Variants in PITPNM3 observed in about 807,000 individuals in gnomAD.
PITPNM3 encodes the protein PITPNM family member 3.
Under a neutral mutation model 102.0 loss-of-function variants are expected in PITPNM3, and 26 were observed. That is an observed-to-expected ratio of 0.25 (90% CI 0.19 to 0.35). PITPNM3 has a LOEUF of 0.35. PITPNM3 is among the 10% of genes least tolerant of loss of function. PITPNM3 has a pLI of 1.00. For missense variants in PITPNM3, 1,083 were observed against 1,346.1 expected (o/e 0.80, Z 3.06); for synonymous variants, 578 against 558.6 (o/e 1.03, Z -0.49).
At chr17:6,522,331 C>T (rs959390482) in intron 3 of PITPNM3, among the ~76,000 whole-genome samples, 1 of 151,228 alleles carries the variant, frequency 6.6e-6, no homozygotes, top group Non-Finnish European at 1.5e-5. Context: ...AATTAACACC[C>T]TTGAGAACTG....
intron 9 of PITPNM3, among the ~76,000 whole-genome samples, chr17:6,476,314 AAAGG>A (rs1347906595): frequency 3.9e-5 from 6 of 152,312 alleles, no homozygotes; most frequent in African/African-American, 1.2e-4. Flanking sequence ...GAGGAAGGAG[AAAGG>A]AAGGAAGAAG....
At chr17:6,543,440 G>A (rs1213450080) in intron 1 of PITPNM3, among the ~76,000 whole-genome samples, 1 of 152,126 alleles carries the variant, frequency 6.6e-6, no homozygotes, top group Non-Finnish European at 1.5e-5. Flanking sequence ...CCAGCCCCAG[G>A]GGCAGAGTCC....
rs1555549910 is a variant in PITPNM3, at chr17:6,451,882, C to CCG, written c.*3455_*3456insCG. On this transcript the variant is annotated 3_prime_UTR_variant, in exon 20 of 20. Coordinates refer to ENST00000262483, the MANE Select transcript of PITPNM3 (RefSeq NM_031220.4). ...GGCACTTGGCACCCAAACCCCCCCC[C>CCG]CCCGCCCGCCGATGGGATTCGGTGG... 3.5e-5 allele frequency: 1 copy of CCG among 28,314 alleles called. No individual in the cohort carries two copies. The highest frequency in any genetic ancestry group is 1.5e-4 in the African/African-American group (1 of 6,696). The allele number at this position is 28,314 out of a possible 1,614,324, so 1.8% of individuals were successfully genotyped here. A position where few individuals can be genotyped will look rare whatever the true frequency, so the allele number is the denominator to read the frequency against.
intron 6 of PITPNM3, among the ~76,000 whole-genome samples, chr17:6,482,028 C>CTG (rs1905750602): frequency 8.4e-5 from 8 of 95,768 alleles, no homozygotes; most frequent in Admixed American, 2.1e-4. Context: ...CTCTCTCTCT[C>CTG]TCTCTCTGTC....
intron 18 of PITPNM3, among the ~76,000 whole-genome samples, chr17:6,460,238 C>T (rs565399157): frequency 1.3e-5 from 2 of 152,344 alleles, no homozygotes; most frequent in South Asian, 2.1e-4. Context: ...CTCCTGCCTC[C>T]GTGCCTTTGC....
At chr17:6,531,754 C>T (rs1909159324) in intron 2 of PITPNM3, among the ~76,000 whole-genome samples, 1 of 152,210 alleles carries the variant, frequency 6.6e-6, no homozygotes, top group Non-Finnish European at 1.5e-5. Flanking sequence ...ACCCACAGCA[C>T]TGAGCCAGTG....
chr17:6,544,654 T>TCTCTCTCTCTCTCTCTCACA (rs376230474), intron 1 of PITPNM3, among the ~76,000 whole-genome samples: 11 of 130,268 alleles, frequency 8.4e-5, no homozygotes, highest in African/African-American at 3.4e-4. Context: ...TCTCTCTCTC[T>TCTCTCTCTCTCTCTCTCACA]CACACACACA....
chr17:6,483,102 A>G (rs1215879544), intron 6 of PITPNM3, among the ~76,000 whole-genome samples: 1 of 151,748 alleles, frequency 6.6e-6, no homozygotes, highest in Non-Finnish European at 1.5e-5. Context: ...CCGCCACCTC[A>G]CCTGGCTAAT....
At chr17:6,542,577 A>C (rs1297396128) in intron 1 of PITPNM3, among the ~76,000 whole-genome samples, 1 of 152,246 alleles carries the variant, frequency 6.6e-6, no homozygotes, top group Non-Finnish European at 1.5e-5. Context: ...TAGGACCTGA[A>C]GCAAGTTAAC....
At chr17:6,466,453 G>A (rs1904774240) in intron 14 of PITPNM3, among the ~76,000 whole-genome samples, 1 of 152,200 alleles carries the variant, frequency 6.6e-6, no homozygotes, top group South Asian at 2.1e-4. Flanking sequence ...CACTGTCAGG[G>A]GAGAGGGAGC....
intron 2 of PITPNM3, among the ~76,000 whole-genome samples, chr17:6,530,895 A>G (rs1007412164): frequency 1.1e-4 from 16 of 152,340 alleles, no homozygotes; most frequent in South Asian, 1.0e-3. Flanking sequence ...TTGCAAGGCC[A>G]TGGGGAGCCT....
intron 1 of PITPNM3, among the ~76,000 whole-genome samples, chr17:6,541,599 T>G (rs1909735957): frequency 6.6e-6 from 1 of 151,954 alleles, no homozygotes; most frequent in South Asian, 2.1e-4. Context: ...CCTGCAAACT[T>G]CAAGAGGAGG....
chr17:6,472,535 CCTT>C lies in PITPNM3; in HGVS notation c.1429+119_1429+121del. 1.5e-6 allele frequency: 2 copies of C among 1,330,570 alleles called. No homozygotes were observed. The highest frequency in any genetic ancestry group is 2.6e-5 in the South Asian group (2 of 76,076). 82.4% of individuals were successfully genotyped at this position (1,330,570 alleles called of 1,614,324 possible). ...CTCTGAAGACAGAGGAGTCGGCTAA[CCTT>C]CTGTTCTCACAGCCCCTGCTCAGGT... On this transcript the variant is annotated intron_variant, in intron 11 of 19. Transcript: ENST00000262483. This position sits in a 1 kb window ranked among gnomAD's most constrained non-coding sequence, Gnocchi z 4.1.
chr17:6,498,533 AGCAGGAAG>A (rs1339721191), intron 4 of PITPNM3, among the ~76,000 whole-genome samples: 1 of 152,204 alleles, frequency 6.6e-6, no homozygotes, highest in Non-Finnish European at 1.5e-5. Flanking sequence ...TGAGATGGGA[AGCAGGAAG>A]GCAGGGAGGC....
Position 6,471,013 on chromosome 17 carries a change from A to G in PITPNM3, c.1624+148T>C. 4.4e-6 allele frequency: 4 copies of G among 916,152 alleles called. No homozygotes were observed. The South Asian group carries it at 6.4e-5, about 15-fold the overall frequency. 56.8% of individuals were successfully genotyped at this position (916,152 alleles called of 1,614,324 possible). A position where few individuals can be genotyped will look rare whatever the true frequency, so the allele number is the denominator to read the frequency against. On this transcript the variant is annotated intron_variant, in intron 12 of 19. Coordinates refer to ENST00000262483, the MANE Select transcript of PITPNM3 (RefSeq NM_031220.4). ...TCCATCAGCAGACGCCCAGCTCTCTAAAGGCAGAAGCAAGCCCCCAGGACT... is the reference window on the plus strand; with the variant it reads ...TCCATCAGCAGACGCCCAGCTCTCTGAAGGCAGAAGCAAGCCCCCAGGACT...
intron 1 of PITPNM3, among the ~76,000 whole-genome samples, chr17:6,543,843 A>G (rs2150672532): frequency 6.6e-6 from 1 of 152,178 alleles, no homozygotes; most frequent in South Asian, 2.1e-4. Context: ...AGCCAAGATG[A>G]GCCTCCAAGG....
At chr17:6,496,028 G>T (rs1247058972) in intron 4 of PITPNM3, among the ~76,000 whole-genome samples, 1 of 152,158 alleles carries the variant, frequency 6.6e-6, no homozygotes, top group Non-Finnish European at 1.5e-5. Context: ...CCTCCATGCC[G>T]GGTCATCGTA....
intron 14 of PITPNM3, among the ~76,000 whole-genome samples, chr17:6,467,611 C>T (rs755048758): frequency 2.6e-5 from 4 of 152,218 alleles, no homozygotes; most frequent in Non-Finnish European, 4.4e-5. Flanking sequence ...GGTCTTTTCA[C>T]CAGACTGGAG....
chr17:6,477,063 C>T lies in PITPNM3; in HGVS notation c.1051G>A (p.Glu351Lys), dbSNP rs750005762. Residue 351 changes from glutamate to lysine, a missense_variant, in exon 9 of 20, where the codon GAG becomes AAG. Coordinates refer to ENST00000262483, the MANE Select transcript of PITPNM3 (RefSeq NM_031220.4). ...AAGGCATGGTGCTGGGTGATGGCCTCGCAGTCATAGGTGGAGGAGTCGCTC... is the reference window on the plus strand; with the variant it reads ...AAGGCATGGTGCTGGGTGATGGCCTTGCAGTCATAGGTGGAGGAGTCGCTC... ...KQSDSSTYDC[E>K]AITQHHAFLS... 29 of 1,613,994 alleles carry T rather than the reference C, an allele frequency of 1.8e-5. No individual in the cohort carries two copies. The highest frequency in any genetic ancestry group is 1.2e-4 in the Admixed American group (7 of 60,002).
Sources: gnomAD v4.1 joint callset for allele counts (sites outside exome capture counted in the v4.1 genomes callset) on GRCh38, gnomAD v4.1.1 for gene constraint, Gnocchi (gnomAD v3.1) non-coding constraint, MANE v1.5 for transcripts, NCBI Gene and HGNC (gene_info 2026-07-23, HGNC 2026-07-21) for gene names.